Variants in AEBP2 observed in about 807,000 individuals in gnomAD.
The protein encoded by AEBP2 is AE binding protein 2.
In AEBP2, 10 loss-of-function variants were observed where a neutral mutation model predicts 50.8. The ratio of observed to expected loss-of-function variants is 0.20; its 90% CI spans 0.12 to 0.33. The LOEUF is 0.33. Ranked by LOEUF, AEBP2 falls within the 10% of genes least tolerant of loss-of-function variation. AEBP2 has a pLI of 1.00. For missense variants in AEBP2, 570 were observed against 688.0 expected, an observed-to-expected ratio of 0.83 and a Z score of 1.92; for synonymous variants, 296 against 261.3, an observed-to-expected ratio of 1.13 and a Z score of -1.28.
chr12:19,512,560 A>G, intron 6 of AEBP2, 95 bp downstream of exon 6: 1 of 865,588 alleles, frequency 1.2e-6, no homozygotes, highest in South Asian at 1.9e-5. Context: ...TTCAAATAAA[A>G]AGAAATTACA....
chr12:19,408,002 G>A (rs1362620531), intron 1 of AEBP2, among the ~76,000 whole-genome samples: 1 of 150,798 alleles, frequency 6.6e-6, no homozygotes, highest in African/African-American at 2.4e-5. Context: ...AGTGAGCTGA[G>A]ATTGCGCCAT....
At chr12:19,465,277 C>G (rs1440398849) in intron 2 of AEBP2, among the ~76,000 whole-genome samples, 1 of 151,906 alleles carries the variant, frequency 6.6e-6, no homozygotes, top group Non-Finnish European at 1.5e-5. Context: ...CCCTGTAGTC[C>G]CAGCTACTCA....
chr12:19,470,677 A>G (rs1808776411), intron 2 of AEBP2, among the ~76,000 whole-genome samples: 2 of 152,198 alleles, frequency 1.3e-5, no homozygotes, highest in Non-Finnish European at 2.9e-5. Context: ...CAGACCTGCC[A>G]TTATCTCTAT....
At chr12:19,470,917 A>G (rs185464198) in intron 2 of AEBP2, among the ~76,000 whole-genome samples, 1 of 152,334 alleles carries the variant, frequency 6.6e-6, no homozygotes, top group African/African-American at 2.4e-5. Context: ...TATTGTTCCC[A>G]AATACTTTCT....
upstream of AEBP2, among the ~76,000 whole-genome samples, chr12:19,438,217 T>C (rs183719792): frequency 1.4e-4 from 21 of 152,336 alleles, no homozygotes; most frequent in East Asian, 3.1e-3. Flanking sequence ...TTCAGTTGCT[T>C]GCTTTCAACA....
At chr12:19,497,360 A>G (rs979339703) in intron 4 of AEBP2, among the ~76,000 whole-genome samples, 15 of 109,018 alleles carry the variant, frequency 1.4e-4, no homozygotes, top group African/African-American at 4.6e-4. Flanking sequence ...TTTGAGACAG[A>G]GTCTCACACT....
In AEBP2 at chr12:19,473,375, A is replaced by AAATT. The variant is rs199934534; in HGVS notation, c.987+21_987+24dup. ...TTCAAGGTAAGGATGCATGTATATA[A>AAATT]AATTTATTTATTTATTTATTTATTT... On this transcript the variant is annotated intron_variant, in intron 3 of 7. Coordinates refer to ENST00000266508, the MANE Select transcript of AEBP2 (RefSeq NM_153207.5). 0.011 allele frequency: 2,951 copies of AAATT among 260,680 alleles called. 112 individuals are homozygous for AAATT. The African/African-American group carries it at 0.14, about 13-fold the overall frequency. The allele number at this position is 260,680 out of a possible 1,614,324, so 16.1% of individuals were successfully genotyped here. A position where few individuals can be genotyped will look rare whatever the true frequency, so the allele number is the denominator to read the frequency against.
chr12:19,475,460 G>T (rs1016697147), intron 3 of AEBP2, among the ~76,000 whole-genome samples: 1 of 150,418 alleles, frequency 6.6e-6, no homozygotes, highest in African/African-American at 2.4e-5. Flanking sequence ...GTGTGTATGT[G>T]TGTGTATATA....
At chr12:19,457,359 T>G (rs1948286877) in intron 1 of AEBP2, 1 of 1,454,950 alleles carries the variant, frequency 6.9e-7, no homozygotes, top group Admixed American at 1.7e-5. Context: ...TGTGGTTAAG[T>G]CTCTGTGTCC....
At chr12:19,488,696 C>A (rs1948851608) in intron 3 of AEBP2, among the ~76,000 whole-genome samples, 3 of 152,094 alleles carry the variant, frequency 2.0e-5, no homozygotes. Context: ...CAAAGACAGT[C>A]TTAGTATTGC....
In AEBP2 at chr12:19,487,088, T is replaced by C. The variant is rs1948820007; in HGVS notation, c.988-6712T>C. Among the ~76,000 whole-genome samples, 3 of 152,206 alleles carry C rather than the reference T, an allele frequency of 2.0e-5. No individual in the cohort carries two copies. The South Asian group carries it at 6.2e-4, about 32-fold the overall frequency. ...ATTCTATTTTGGGTGAAGTGCCTAT[T>C]CAAGTCTTTGCCAATTGTGTTCATT... On this transcript the variant is annotated intron_variant, in intron 3 of 7. Coordinates refer to ENST00000266508, the MANE Select transcript of AEBP2 (RefSeq NM_153207.5).
At chr12:19,498,816 C>T (rs1949023770) in intron 4 of AEBP2, among the ~76,000 whole-genome samples, 1 of 151,960 alleles carries the variant, frequency 6.6e-6, no homozygotes, top group Admixed American at 6.6e-5. Context: ...TTTGATCACA[C>T]TAAAATACTG....
At position 19,440,160 on chromosome 12, in the gene AEBP2, G is replaced by T; in HGVS notation, c.461G>T (p.Gly154Val). 6.7e-7 allele frequency: 1 copy of T among 1,503,222 alleles called. No homozygotes were observed. The highest frequency in any genetic ancestry group is 2.7e-5 in the East Asian group (1 of 37,538). 93.1% of individuals were successfully genotyped at this position (1,503,222 alleles called of 1,614,324 possible). ...AGCAGCAGCAGCGGGGATGGGGACG[G>T]CAAGGAGGGCCTGGAGGAGCCCAAG... ...AASSSSGDGD[G>V]KEGLEEPKGP... Residue 154 changes from glycine to valine, a missense_variant, in exon 1 of 8, where the codon GGC becomes GTC. Physicochemically the swap from Gly to Val is moderately radical, Grantham distance 109 (BLOSUM62 -3). This residue lies in a region of AEBP2 where 386 missense variants were observed against 336.8 expected (regional missense o/e 1.15). Coordinates refer to ENST00000266508, the MANE Select transcript of AEBP2 (RefSeq NM_153207.5).
chr12:19,443,576 A>G (rs906527389), intron 1 of AEBP2, among the ~76,000 whole-genome samples: 1 of 151,934 alleles, frequency 6.6e-6, no homozygotes, highest in African/African-American at 2.4e-5. Context: ...CAAAAAAATG[A>G]GCCAGGCATG....
At chr12:19,440,799 G>C (rs760483474) in intron 1 of AEBP2, 43 of 1,522,566 alleles carry the variant, frequency 2.8e-5, no homozygotes, top group Non-Finnish European at 3.5e-5. Context: ...AATATGGCTG[G>C]TCTCGCCTGG....
At chr12:19,405,473 G>C (rs1433860468) in intron 1 of AEBP2, among the ~76,000 whole-genome samples, 1 of 151,664 alleles carries the variant, frequency 6.6e-6, no homozygotes, top group Admixed American at 6.6e-5. Flanking sequence ...TGACAGGCAT[G>C]TACCACCATA....
intron 3 of AEBP2, among the ~76,000 whole-genome samples, chr12:19,486,803 C>A (rs1027210250): frequency 1.1e-4 from 17 of 150,350 alleles, no homozygotes; most frequent in Non-Finnish European, 1.9e-4. Context: ...CCTTTCTTTT[C>A]TTTTCTTTTT....
intron 3 of AEBP2, among the ~76,000 whole-genome samples, chr12:19,483,261 C>T (rs1948756639): frequency 6.6e-6 from 1 of 152,124 alleles, no homozygotes; most frequent in Non-Finnish European, 1.5e-5. Flanking sequence ...CAAGGCATTT[C>T]CCACTGCTGC....
chr12:19,495,996 A>C (rs1211192226), intron 4 of AEBP2, among the ~76,000 whole-genome samples: 1 of 152,198 alleles, frequency 6.6e-6, no homozygotes, highest in African/African-American at 2.4e-5. Context: ...GCAGTTGCAC[A>C]CAGAAAATTG....
Sources: gnomAD v4.1 joint callset for allele counts (sites outside exome capture counted in the v4.1 genomes callset) on GRCh38, gnomAD v4.1.1 for gene constraint, gnomAD v4.1.1 regional missense constraint, MANE v1.5 for transcripts, NCBI Gene and HGNC (gene_info 2026-07-23, HGNC 2026-07-21) for gene names.